The following DNAH3 variants were observed in gnomAD, a reference collection of about 807,000 sequenced individuals.
DNAH3 encodes the protein dynein axonemal heavy chain 3.
Under a neutral mutation model 432.5 loss-of-function variants are expected in DNAH3, and 332 were observed. The ratio of observed to expected loss-of-function variants is 0.77; its 90% CI spans 0.70 to 0.84. The LOEUF (loss-of-function observed/expected upper bound fraction) is 0.84, where lower values mean the gene tolerates loss of function less well. Among genes scored for constraint, DNAH3 ranks in the 40% least tolerant of loss-of-function variants. The pLI is 0.00. For synonymous variants in DNAH3, 1,956 were observed against 1,900.2 expected (o/e 1.03, Z -0.76); for missense variants, 4,861 against 5,114.0 (o/e 0.95, Z 1.51).
In DNAH3 at chr16:21,140,624, A is replaced by G. The variant is rs182462514; in HGVS notation, c.608T>C (p.Met203Thr). Reference sequence around the variant, plus strand: ...GACATCGAGCTGCTGTTCTGGACTCATTGGTCTGCTTCCTGGGAACGTCAA... The same window carrying G: ...GACATCGAGCTGCTGTTCTGGACTCGTTGGTCTGCTTCCTGGGAACGTCAA... The change falls in exon 5 of 62, where the codon ATG (methionine) becomes ACG (threonine). Residue 203 changes from methionine to threonine, a missense_variant. Met to Thr is a moderately conservative substitution (Grantham distance 81). Transcript: ENST00000261383. 1.0e-4 allele frequency: 166 copies of G among 1,614,106 alleles called. No individual in the cohort carries two copies. In the Admixed American group the frequency reaches 2.7e-3, roughly 26 times the overall value.
At chr16:20,954,963 C>G in exon 55 of DNAH3, 2 of 1,614,176 alleles carry the variant, frequency 1.2e-6, no homozygotes, top group African/African-American at 2.7e-5. Flanking sequence ...AACAGGTTGG[C>G]CCGGAGCCCT....
Position 20,987,805 on chromosome 16 carries a change from T to A in DNAH3, c.6770A>T (p.Asp2257Val). ...AGTTGGCAAGAAGTTCTCCACTGCATCTCTATAAATTGTCTTAGTAGCTTG... is the reference window on the plus strand; with the variant it reads ...AGTTGGCAAGAAGTTCTCCACTGCAACTCTATAAATTGTCTTAGTAGCTTG... Residue 2257 changes from aspartate (D) to valine (V), a missense_variant, in exon 46 of 62, where the codon GAT becomes GTT. Physicochemically the swap from Asp to Val is radical, Grantham distance 152. Coordinates refer to ENST00000261383, the Ensembl canonical transcript of DNAH3. 11 of 1,614,074 alleles carry A rather than the reference T, an allele frequency of 6.8e-6. 1 individual carries two copies. The highest frequency in any genetic ancestry group is 9.3e-6 in the Non-Finnish European group (11 of 1,180,018).
At position 21,020,341 on chromosome 16, in the gene DNAH3, A is replaced by AGT. The variant is rs1196037950; in HGVS notation, c.5777-474_5777-473dup. ...TATTTTTACTGCTGTATAATAATAT[A>AGT]GTGTGTGTATATATATATATATATA... is the stretch of plus-strand genomic sequence containing the variant. On this transcript the variant is annotated intron_variant, in intron 40 of 61. Coordinates refer to ENST00000261383, the Ensembl canonical transcript of DNAH3. Among the ~76,000 whole-genome samples the AGT allele has an allele frequency of 1.9e-3, 112 of 60,406 alleles. 1 individual carries two copies. The highest frequency in any genetic ancestry group is 8.8e-3 in the African/African-American group (97 of 11,036). The allele number at this position is 60,406 out of a possible 152,430, so 39.6% of individuals were successfully genotyped here.
chr16:21,069,558 A>G (rs1298846655), exon 23 of DNAH3: 3 of 1,612,686 alleles, frequency 1.9e-6, no homozygotes, highest in Admixed American at 3.4e-5. Flanking sequence ...CAGGCATCCA[A>G]ATTGTCTTGT....
At chr16:21,075,245 T>G (rs1365290694) in intron 21 of DNAH3, among the ~76,000 whole-genome samples, 1 of 152,056 alleles carries the variant, frequency 6.6e-6, no homozygotes. Flanking sequence ...AAAAGACTTG[T>G]CTGATTTGAA....
At chr16:21,005,228 T>TC (rs1172673486) in intron 41 of DNAH3, among the ~76,000 whole-genome samples, 1 of 150,870 alleles carries the variant, frequency 6.6e-6, no homozygotes, top group African/African-American at 2.4e-5. Flanking sequence ...TGTATTTCCT[T>TC]CCTTCCTTCC....
chr16:21,087,057 G>C (rs771555437), exon 19 of DNAH3: 1 of 1,613,188 alleles, frequency 6.2e-7, no homozygotes, highest in Non-Finnish European at 8.5e-7. Flanking sequence ...TAAGAAGAGG[G>C]GTCCTGAAAT....
chr16:21,111,534 G>T, intron 14 of DNAH3, 92 bp downstream of exon 14: 2 of 1,263,556 alleles, frequency 1.6e-6, no homozygotes, highest in Non-Finnish European at 2.2e-6. Flanking sequence ...AAAATAATCT[G>T]TTCATTGCTG....
intron 1 of DNAH3, among the ~76,000 whole-genome samples, chr16:21,153,749 A>G (rs887823199): frequency 6.6e-6 from 1 of 152,070 alleles, no homozygotes; most frequent in Non-Finnish European, 1.5e-5. Flanking sequence ...GCGCTACCTT[A>G]AGAGCTGTAA....
chr16:21,027,710 C>T (rs1337552380), intron 37 of DNAH3, among the ~76,000 whole-genome samples: 2 of 152,230 alleles, frequency 1.3e-5, no homozygotes, highest in African/African-American at 4.8e-5. Flanking sequence ...CATGGTGGCA[C>T]ATGCCTGACC....
At chr16:21,069,676 C>T in intron 22 of DNAH3, 82 bp from the exon 23 acceptor site, 1 of 1,203,396 alleles carries the variant, frequency 8.3e-7, no homozygotes, top group Non-Finnish European at 1.2e-6. Context: ...ATGGATGGAG[C>T]CGTACATTTA....
chr16:21,107,922 G>C (rs72780867), intron 14 of DNAH3, among the ~76,000 whole-genome samples: 33,692 of 151,748 alleles, frequency 0.22, 4,016 homozygotes, highest in East Asian at 0.31. Flanking sequence ...GTGCACAGTG[G>C]TGTGATCTCA....
intron 41 of DNAH3, among the ~76,000 whole-genome samples, chr16:21,014,923 C>G (rs1385216623): frequency 7.9e-6 from 1 of 126,932 alleles, no homozygotes; most frequent in Non-Finnish European, 1.7e-5. Context: ...AAACTCTAGC[C>G]AAAGAAATAA....
chr16:20,955,687 C>A (rs147749663), intron 54 of DNAH3, among the ~76,000 whole-genome samples: 1 of 152,144 alleles, frequency 6.6e-6, no homozygotes, highest in African/African-American at 2.4e-5. Flanking sequence ...ACTATTGGCC[C>A]TTTACAGAAA....
chr16:21,120,848 A>G (rs2092323275), exon 11 of DNAH3: 1 of 1,612,700 alleles, frequency 6.2e-7, no homozygotes, highest in Admixed American at 1.7e-5. Context: ...AGTGGTATGT[A>G]TTTCAGCTGT....
chr16:21,125,798 G>A (rs954272040), intron 8 of DNAH3, among the ~76,000 whole-genome samples: 1 of 152,146 alleles, frequency 6.6e-6, no homozygotes, highest in African/African-American at 2.4e-5. Flanking sequence ...CATGAAAGGA[G>A]AAACTCCAGT....
chr16:21,047,458 T>C (rs1330973540), intron 31 of DNAH3, among the ~76,000 whole-genome samples: 1 of 152,220 alleles, frequency 6.6e-6, no homozygotes, highest in Non-Finnish European at 1.5e-5. Flanking sequence ...TTTCTTCCAG[T>C]TGATCGCACC....
At chr16:21,051,591 T>A in intron 29 of DNAH3, 79 bp downstream of exon 29, 2 of 1,423,222 alleles carry the variant, frequency 1.4e-6, no homozygotes, top group Non-Finnish European at 2.0e-6. Context: ...ACCCAAGACA[T>A]CCCTAACTTT....
intron 6 of DNAH3, among the ~76,000 whole-genome samples, chr16:21,134,939 C>T (rs1462281354): frequency 3.9e-5 from 6 of 152,144 alleles, no homozygotes; most frequent in African/African-American, 1.4e-4. Flanking sequence ...CCACCCGCCT[C>T]GGCCTCCCAA....
Sources: allele counts gnomAD v4.1 joint callset (sites outside exome capture counted in the v4.1 genomes callset), GRCh38; gene constraint gnomAD v4.1.1; transcripts MANE v1.5; gene names NCBI Gene and HGNC (gene_info 2026-07-23, HGNC 2026-07-21).